The following KIAA1671 variants were observed in gnomAD, a reference collection of about 807,000 sequenced individuals.
The protein encoded by KIAA1671 is uncharacterized protein KIAA1671.
A neutral mutation model predicts 131.2 loss-of-function variants in KIAA1671; 52 were observed. The ratio of observed to expected loss-of-function variants is 0.40; its 90% confidence interval spans 0.32 to 0.50. KIAA1671 has a LOEUF of 0.50. KIAA1671 is among the 20% of genes least tolerant of loss of function. The pLI is 0.73. For missense variants in KIAA1671, 2,360 were observed against 2,364.2 expected (o/e 1.00, Z 0.04); for synonymous variants, 1,003 against 961.6 (o/e 1.04, Z -0.80).
rs182984490 is a variant in KIAA1671 at position 25,009,968 on chromosome 22, A to G, written c.-207-15665A>G. ...ACTTGTGAACAGTATCTGCTTACCC[A>G]TTTGTCCCTCATCCCACTCTCTCCA... On this transcript the variant is annotated intron_variant, in intron 1 of 12. Transcript: ENST00000358431. 15 of 152,164 alleles carry G rather than the reference A, an allele frequency of 9.9e-5. No homozygotes were observed. The East Asian group carries it at 2.7e-3, about 27-fold the overall frequency. 9.4% of individuals were successfully genotyped at this position (152,164 alleles called of 1,614,324 possible). A position where few individuals can be genotyped will look rare whatever the true frequency, so the allele number is the denominator to read the frequency against.
At chr22:25,041,917 TA>T (rs1926945686) in intron 5 of KIAA1671, among the ~76,000 whole-genome samples, 1 of 152,132 alleles carries the variant, frequency 6.6e-6, no homozygotes, top group African/African-American at 2.4e-5. Context: ...GCTAATTTTT[TA>T]TTTTTTGTAG....
At chr22:25,179,559 G>A in intron 9 of KIAA1671, 2 of 1,551,550 alleles carry the variant, frequency 1.3e-6, no homozygotes, top group South Asian at 2.3e-5. Flanking sequence ...TCCTGCGTTG[G>A]GAAGGGAACG....
In KIAA1671 at chr22:25,154,767, A is replaced by G. The variant is rs948817133; in HGVS notation, c.4531-16053A>G. On this transcript the variant is annotated intron_variant, in intron 6 of 12. Transcript: ENST00000358431. ...CCCTCAGCCCCACTGCGAGGTCCCC[A>G]ACTCCAGAGGAAGAGAGACTCCATT... is the stretch of plus-strand genomic sequence containing the variant. Among the ~76,000 whole-genome samples the G allele has an allele frequency of 1.3e-5, 2 of 152,196 alleles. 1 individual carries two copies. The highest frequency in any genetic ancestry group is 2.9e-5 in the Non-Finnish European group (2 of 68,032).
intron 6 of KIAA1671, among the ~76,000 whole-genome samples, chr22:25,131,353 C>A (rs1052879427): frequency 6.6e-6 from 1 of 152,206 alleles, no homozygotes; most frequent in African/African-American, 2.4e-5. Flanking sequence ...GTGCCCGGCA[C>A]GTGCCTGGTA....
intron 1 of KIAA1671, among the ~76,000 whole-genome samples, chr22:25,016,240 C>T (rs934504740): frequency 1.3e-5 from 2 of 152,088 alleles, no homozygotes; most frequent in East Asian, 1.9e-4. Context: ...AGGATGGTCT[C>T]GATCTCCTGA....
chr22:24,970,700 G>C (rs906003788), intron 1 of KIAA1671, among the ~76,000 whole-genome samples: 14 of 140,124 alleles, frequency 1.0e-4, no homozygotes, highest in African/African-American at 3.5e-4. Context: ...CACACATAAA[G>C]TACACTAACA....
intron 1 of KIAA1671, among the ~76,000 whole-genome samples, chr22:25,021,270 G>A (rs1406462140): frequency 4.6e-5 from 7 of 151,330 alleles, no homozygotes; most frequent in Admixed American, 1.3e-4. Flanking sequence ...TGTTGCCCAG[G>A]CTGGTCTTGA....
intron 6 of KIAA1671, among the ~76,000 whole-genome samples, chr22:25,099,537 GTTTTTT>G (rs1223034273): frequency 2.7e-5 from 3 of 112,138 alleles, no homozygotes; most frequent in South Asian, 3.2e-4. Flanking sequence ...CAAAATGTGG[GTTTTTT>G]TGTTTTTTTT....
intron 1 of KIAA1671, among the ~76,000 whole-genome samples, chr22:24,987,501 C>G (rs1197939229): frequency 6.6e-6 from 1 of 152,138 alleles, no homozygotes; most frequent in African/African-American, 2.4e-5. Flanking sequence ...GAGTCTCACT[C>G]TGTTGCCCAG....
At chr22:25,183,015 C>T (rs1402560157) in intron 10 of KIAA1671, among the ~76,000 whole-genome samples, 2 of 152,310 alleles carry the variant, frequency 1.3e-5, no homozygotes, top group East Asian at 3.9e-4. Flanking sequence ...AAGTGTCTCT[C>T]ATAGTCCTGG....
chr22:25,093,829 TC>T, intron 6 of KIAA1671, among the ~76,000 whole-genome samples: 2 of 90,192 alleles, frequency 2.2e-5, no homozygotes, highest in Admixed American at 1.2e-4. Flanking sequence ...TCTCTTTCTC[TC>T]TCTGTCTGTC....
At position 25,028,325 on chromosome 22, in the gene KIAA1671, G is replaced by A; in HGVS notation, c.326G>A (p.Arg109Lys). 1 of 1,550,942 alleles carries A rather than the reference G, an allele frequency of 6.4e-7. No homozygotes were observed. Among genetic ancestry groups the A allele is most frequent in the South Asian group, 1.2e-5 (1 of 84,066 alleles). The change falls in exon 3 of 13, where the codon AGG becomes AAG. Residue 109 changes from arginine (R) to lysine (K), a missense_variant. Around this residue, in one of 3 missense-constraint regions of KIAA1671, gnomAD observed 1,185 missense variants for 1,126.2 expected, o/e 1.05. Transcript: ENST00000358431. ...CCAGCAGCAAAGGATCTGGACAACA[G>A]GATGCCCGGCTTGGTGGGGCAGGAG... ...EEPAAKDLDN[R>K]MPGLVGQEVG... is the part of the protein sequence containing the mutation.
At chr22:25,019,050 T>TTGTG (rs377368958) in intron 1 of KIAA1671, among the ~76,000 whole-genome samples, 8,529 of 144,110 alleles carry the variant, frequency 0.059, 290 homozygotes, top group African/African-American at 0.099. Context: ...AATAGTTGTT[T>TTGTG]TGTGTGTGTG....
At chr22:25,180,914 C>T (rs4822563) in intron 9 of KIAA1671, among the ~76,000 whole-genome samples, 49,197 of 151,806 alleles carry the variant, frequency 0.32, 8,367 homozygotes, top group East Asian at 0.48. Context: ...CACACAAATA[C>T]CCCCAGCTGG....
chr22:25,002,660 T>C (rs949586636), intron 1 of KIAA1671, among the ~76,000 whole-genome samples: 1 of 152,176 alleles, frequency 6.6e-6, no homozygotes, highest in African/African-American at 2.4e-5. Context: ...TAGAGGTGAA[T>C]GCTGAGGGCA....
chr22:25,161,386 G>A (rs1159214670), intron 6 of KIAA1671, among the ~76,000 whole-genome samples: 1 of 152,258 alleles, frequency 6.6e-6, no homozygotes, highest in Non-Finnish European at 1.5e-5. Context: ...TGACATCAGT[G>A]TGCCATCTGA....
chr22:25,042,120 A>G (rs991869239), intron 5 of KIAA1671, among the ~76,000 whole-genome samples: 36 of 152,282 alleles, frequency 2.4e-4, no homozygotes, highest in African/African-American at 8.7e-4. Context: ...GAAAATCTAG[A>G]TTTTTATGTG....
intron 6 of KIAA1671, among the ~76,000 whole-genome samples, chr22:25,159,601 C>T (rs1933367772): frequency 6.6e-6 from 1 of 152,080 alleles, no homozygotes; most frequent in African/African-American, 2.4e-5. Context: ...ATCTGTTTGG[C>T]ACCGACCACA....
rs372186317 is a variant in KIAA1671, at chr22:25,033,446, G to T, written c.1629+750G>T. ...GAAGTAGGTTACCAGCAATTAAATT[G>T]CTTGAAAAGTATTTTTATTTCATCT... On this transcript the variant is annotated intron_variant, in intron 4 of 12. Coordinates refer to ENST00000358431, the MANE Select transcript of KIAA1671 (RefSeq NM_001145206.2). 4.1e-3 allele frequency among the ~76,000 whole-genome samples: 628 copies of T among 151,886 alleles called. 4 individuals carry two copies. The highest frequency in any genetic ancestry group is 0.014 in the African/African-American group (598 of 41,414).
Sources: allele counts gnomAD v4.1 joint callset (sites outside exome capture counted in the v4.1 genomes callset), GRCh38; gene constraint gnomAD v4.1.1; regional missense constraint gnomAD v4.1.1; transcripts MANE v1.5; gene names NCBI Gene and HGNC (gene_info 2026-07-23, HGNC 2026-07-21).